Variants in FRMD1 observed in about 807,000 individuals in gnomAD.
FRMD1 encodes the protein FERM domain containing 1, also known as FERM domain-containing protein 1.
Under a neutral mutation model 54.9 loss-of-function variants are expected in FRMD1, and 51 were observed. The observed-to-expected ratio is 0.93, with a 90% CI of 0.74 to 1.17. FRMD1 has a LOEUF of 1.17. Among genes scored for constraint, FRMD1 ranks in the 50% most tolerant of loss-of-function variants. FRMD1 has a pLI of 0.00. For missense variants in FRMD1, 729 were observed against 743.0 expected, an observed-to-expected ratio of 0.98 and a Z score of 0.22; for synonymous variants, 324 against 306.4, an observed-to-expected ratio of 1.06 and a Z score of -0.60.
In FRMD1 at chr6:168,079,072, C is replaced by A; in HGVS notation, c.23G>T (p.Arg8Met). The A allele has an allele frequency of 6.2e-7, 1 of 1,607,302 alleles. No homozygotes were observed. The highest frequency in any genetic ancestry group is 8.5e-7 in the Non-Finnish European group (1 of 1,179,374). The change falls in exon 1 of 11, where the codon AGG (arginine) becomes ATG (methionine). Residue 8 changes from arginine (R) to methionine (M), a missense_variant. Coordinates refer to ENST00000283309, the MANE Select transcript of FRMD1 (RefSeq NM_024919.6). MAVPPRG[R>M]GIDPARTNPD... ...GTTTGTCCGGGCGGGGTCTATGCCC[C>A]TCCCTCTCGGGGGCACCGCCATGCT...
rs1297984309 is a variant in FRMD1 at position 168,061,072 on chromosome 6, G to T, written c.1046-15C>A. 1 of 1,598,932 alleles carries T rather than the reference G, an allele frequency of 6.3e-7. No individual in the cohort carries two copies. The highest frequency in any genetic ancestry group is 1.7e-5 in the Admixed American group (1 of 58,800). On this transcript the variant is annotated splice_polypyrimidine_tract_variant and intron_variant, in intron 8 of 10. Transcript: ENST00000283309. Reference sequence around the variant, plus strand: ...GTGCTGCTTCTCTGTGGGGAGTGGGGAGCACAGTGAGGGCGAGCTGGAGAG... The same window carrying T: ...GTGCTGCTTCTCTGTGGGGAGTGGGTAGCACAGTGAGGGCGAGCTGGAGAG...
At position 168,059,403 on chromosome 6, in the gene FRMD1, G is replaced by C. The variant is rs563691458; in HGVS notation, c.1343-215C>G. ...TGCTGTGCAGATGCGGGATTAGCAC[G>C]GTGATTCCCGCTGGGTTACAGGCCA... On this transcript the variant is annotated intron_variant, in intron 9 of 10. Coordinates refer to ENST00000283309, the MANE Select transcript of FRMD1 (RefSeq NM_024919.6). The surrounding 1 kb of genome is among the most constrained non-coding windows in gnomAD (Gnocchi z 4.4). Among the ~76,000 whole-genome samples the C allele has an allele frequency of 1.3e-5, 2 of 152,176 alleles. No homozygotes were observed. Among genetic ancestry groups the C allele is most frequent in the Non-Finnish European group, 2.9e-5 (2 of 68,022 alleles).
At chr6:168,071,435 C>G (rs917860496) in intron 2 of FRMD1, among the ~76,000 whole-genome samples, 1 of 152,200 alleles carries the variant, frequency 6.6e-6, no homozygotes, top group African/African-American at 2.4e-5. Context: ...GTCCTCGGGT[C>G]AAGAAGGCCC....
chr6:168,091,985 C>T (rs1470138286), intron 1 of FRMD1, among the ~76,000 whole-genome samples: 1 of 152,256 alleles, frequency 6.6e-6, no homozygotes, highest in African/African-American at 2.4e-5. Flanking sequence ...CAGTCGGCCT[C>T]CCCGTGAGGT....
At chr6:168,084,053 C>A (rs932757930), upstream of FRMD1, among the ~76,000 whole-genome samples, 5 of 152,192 alleles carry the variant, frequency 3.3e-5, no homozygotes, top group African/African-American at 1.2e-4. Flanking sequence ...GAATAGCCTG[C>A]AGCTTCTAGC....
intron 2 of FRMD1, among the ~76,000 whole-genome samples, chr6:168,070,455 T>C (rs1433340590): frequency 1.3e-5 from 2 of 152,034 alleles, no homozygotes; most frequent in African/African-American, 2.4e-5. Context: ...CTTCATACTG[T>C]GGGTGGGCCT....
intron 2 of FRMD1, among the ~76,000 whole-genome samples, chr6:168,073,071 G>C (rs1800388580): frequency 6.6e-6 from 1 of 152,162 alleles, no homozygotes; most frequent in African/African-American, 2.4e-5. Context: ...CATATTAACT[G>C]GGCTAGAACT....
intron 1 of FRMD1, among the ~76,000 whole-genome samples, chr6:168,077,023 G>T (rs1800624423): frequency 6.6e-6 from 1 of 152,170 alleles, no homozygotes. Context: ...TCCAACTGCA[G>T]ACACAGATGC....
chr6:168,054,841 A>C lies in FRMD1; in HGVS notation c.*2256T>G, dbSNP rs1799351297. The C allele has an allele frequency of 6.6e-6, 1 of 152,172 alleles. No individual in the cohort carries two copies. Among genetic ancestry groups the C allele is most frequent in the African/African-American group, 2.4e-5 (1 of 41,408 alleles). 9.4% of individuals were successfully genotyped at this position (152,172 alleles called of 1,614,324 possible). On this transcript the variant is annotated 3_prime_UTR_variant, in exon 11 of 11. Coordinates refer to ENST00000283309, the MANE Select transcript of FRMD1 (RefSeq NM_024919.6). ...GGGCTGTGGGGAGGGGCGGTGAGCA[A>C]AGCTGAGGCTCAAGCCTTAGGGGAG...
In FRMD1 at chr6:168,070,584, GCCTGC is replaced by G. The variant is rs566797330; in HGVS notation, c.305-3143_305-3139del. Among the ~76,000 whole-genome samples, 667 of 152,280 alleles carry G rather than the reference GCCTGC, an allele frequency of 4.4e-3. 6 individuals carry two copies. Among genetic ancestry groups the G allele is most frequent in the African/African-American group, 0.015 (637 of 41,530 alleles). The stretch of plus-strand genomic sequence containing the variant: ...AACAGTGGCTCTCCCTGGGTCTCCA[GCCTGC>G]CCTGCAGATTTGAGACTTGCCAGCC... On this transcript the variant is annotated intron_variant, in intron 2 of 10. Coordinates refer to ENST00000283309, the MANE Select transcript of FRMD1 (RefSeq NM_024919.6).
Position 168,059,146 on chromosome 6 carries a change from TG to T in FRMD1, c.1384del (p.Gln462ArgfsTer12). 1 of 1,583,330 alleles carries T rather than the reference TG, an allele frequency of 6.3e-7. No individual in the cohort carries two copies. ...EPCTQVRTRG[Q>X]SAEAVHQIQE... ...TACCTGGTGCACGGCCTCGGCGCTC[TG>T]GCCTCTGGTCCTGACCTGGGTGCAG... On this transcript the variant is annotated frameshift_variant, in exon 10 of 11. Coordinates refer to ENST00000283309, the MANE Select transcript of FRMD1 (RefSeq NM_024919.6). LOFTEE classifies it low-confidence loss of function (END_TRUNC). The surrounding 1 kb of genome is among the most constrained non-coding windows in gnomAD (Gnocchi z 4.4).
chr6:168,064,354 G>A (rs1001647545), intron 5 of FRMD1, among the ~76,000 whole-genome samples: 2 of 152,314 alleles, frequency 1.3e-5, no homozygotes, highest in Admixed American at 6.5e-5. Context: ...CCATCAATCC[G>A]CGCGGCCATC....
At position 168,059,126 on chromosome 6, in the gene FRMD1, G is replaced by A. The variant is rs1469533527; in HGVS notation, c.1405C>T (p.Gln469Ter). The A allele has an allele frequency of 6.4e-7, 1 of 1,571,790 alleles. No homozygotes were observed. ...CTGGCCCGTGGGGGGGACTCTACCT[G>A]GTGCACGGCCTCGGCGCTCTGGCCT... ...TRGQSAEAVH[Q>*]IQEMTAGVSE... The change falls in exon 10 of 11, where the codon CAG becomes TAG. Residue 469 changes from glutamine (Q) to a stop codon, truncating the protein, a stop_gained and splice_region_variant. Coordinates refer to ENST00000283309, the MANE Select transcript of FRMD1 (RefSeq NM_024919.6). LOFTEE classifies it low-confidence loss of function (END_TRUNC). The surrounding 1 kb of genome is among the most constrained non-coding windows in gnomAD (Gnocchi z 4.4).
chr6:168,069,539 C>T (rs1014712437), intron 2 of FRMD1, among the ~76,000 whole-genome samples: 2 of 152,140 alleles, frequency 1.3e-5, no homozygotes, highest in African/African-American at 2.4e-5. Context: ...TAGCAATGTT[C>T]GCTAAAGGAT....
At chr6:168,080,144 G>T (rs1021478733), upstream of FRMD1, among the ~76,000 whole-genome samples, 2 of 152,060 alleles carry the variant, frequency 1.3e-5, no homozygotes, top group African/African-American at 4.8e-5. Flanking sequence ...CACTCCAGCC[G>T]CCTTAAGGCC....
chr6:168,082,831 G>A (rs1317717602), upstream of FRMD1, among the ~76,000 whole-genome samples: 2 of 152,232 alleles, frequency 1.3e-5, no homozygotes, highest in Non-Finnish European at 2.9e-5. Flanking sequence ...CTGCCCAAGC[G>A]GATAGTGCAG....
chr6:168,089,205 T>G (rs1225937210), intron 1 of FRMD1, among the ~76,000 whole-genome samples: 1 of 152,232 alleles, frequency 6.6e-6, no homozygotes, highest in East Asian at 1.9e-4. Flanking sequence ...TGGGGGTCCC[T>G]GGATTTCTGT....
chr6:168,075,293 C>T lies in FRMD1; in HGVS notation c.256G>A (p.Val86Met). The change falls in exon 2 of 11, where the codon GTG becomes ATG. Residue 86 changes from valine to methionine, a missense_variant. Physicochemically the swap from Val to Met is conservative, Grantham distance 21 (BLOSUM62 1). Coordinates refer to ENST00000283309, the MANE Select transcript of FRMD1 (RefSeq NM_024919.6). ...AACTGCGCGTCTCTGATGCTCGCCACGTTGCACACTTGCTGGAAAAGCTCG... is the reference window on the plus strand; with the variant it reads ...AACTGCGCGTCTCTGATGCTCGCCATGTTGCACACTTGCTGGAAAAGCTCG... ...GRELFQQVCN[V>M]ASIRDAQFFG... The T allele has an allele frequency of 1.2e-6, 2 of 1,613,670 alleles. No individual in the cohort carries two copies. The highest frequency in any genetic ancestry group is 1.7e-5 in the Admixed American group (1 of 60,022).
chr6:168,073,490 C>T (rs1054336008), intron 2 of FRMD1, among the ~76,000 whole-genome samples: 3 of 152,128 alleles, frequency 2.0e-5, no homozygotes, highest in African/African-American at 7.2e-5. Context: ...CCTTCCACAC[C>T]GCCCAGGGGT....
Sources: allele counts gnomAD v4.1 joint callset (sites outside exome capture counted in the v4.1 genomes callset), GRCh38; gene constraint gnomAD v4.1.1; non-coding constraint Gnocchi (gnomAD v3.1); transcripts MANE v1.5; gene names NCBI Gene and HGNC (gene_info 2026-07-23, HGNC 2026-07-21).